LMBR1: variants seen among roughly 807,000 people sequenced by gnomAD.
LMBR1 encodes the protein limb development membrane protein 1.
Under a neutral mutation model 73.9 loss-of-function variants are expected in LMBR1, and 52 were observed. That is an observed-to-expected ratio of 0.70 (90% CI 0.56 to 0.89). The LOEUF (loss-of-function observed/expected upper bound fraction) is 0.89. LMBR1 is among the 40% of genes least tolerant of loss of function. The pLI is 0.00. For missense variants in LMBR1, 539 were observed against 579.8 expected (o/e 0.93, Z 0.72); for synonymous variants, 215 against 209.4 (o/e 1.03, Z -0.23).
chr7:156,800,524 T>C (rs576767796), intron 4 of LMBR1, among the ~76,000 whole-genome samples: 48 of 134,670 alleles, frequency 3.6e-4, no homozygotes, highest in Non-Finnish European at 6.0e-4. Flanking sequence ...CTACTGCTCA[T>C]TGACAATGCA....
intron 1 of LMBR1, among the ~76,000 whole-genome samples, chr7:156,837,786 C>CTTT (rs200071206): frequency 2.1e-4 from 29 of 135,312 alleles, no homozygotes; most frequent in East Asian, 4.3e-4. Flanking sequence ...TTTAATTTTG[C>CTTT]TTTTTTTTTT....
intron 15 of LMBR1, among the ~76,000 whole-genome samples, chr7:156,695,776 G>T (rs1380353617): frequency 6.6e-6 from 1 of 150,378 alleles, no homozygotes; most frequent in Non-Finnish European, 1.5e-5. Flanking sequence ...AAAACCTAAA[G>T]AACTTATACT....
At chr7:156,752,831 G>A (rs184531187) in intron 9 of LMBR1, among the ~76,000 whole-genome samples, 1 of 152,118 alleles carries the variant, frequency 6.6e-6, no homozygotes, top group Non-Finnish European at 1.5e-5. Flanking sequence ...ACAGGGAGAG[G>A]CTAGCAGAAT....
At chr7:156,731,475 A>C (rs183479646) in intron 10 of LMBR1, among the ~76,000 whole-genome samples, 1 of 152,356 alleles carries the variant, frequency 6.6e-6, no homozygotes, top group East Asian at 1.9e-4. Context: ...ATATCAGAGT[A>C]AAATTGCTAA....
intron 4 of LMBR1, among the ~76,000 whole-genome samples, chr7:156,799,163 C>T (rs368787224): frequency 1.5e-3 from 221 of 151,512 alleles, no homozygotes; most frequent in African/African-American, 5.1e-3. Context: ...GATTGCACCA[C>T]TGCACTACAG....
chr7:156,873,308 G>C (rs549353702), intron 1 of LMBR1, among the ~76,000 whole-genome samples: 59 of 151,918 alleles, frequency 3.9e-4, no homozygotes, highest in African/African-American at 1.4e-3. Flanking sequence ...CATTCCTCCC[G>C]GTGGGCTCCT....
Position 156,679,282 on chromosome 7 carries a change from C to T in LMBR1, c.*4796G>A, listed in dbSNP as rs532523281. ...CCTCTCACCACCCCTGCTTCCAAGT[C>T]TTTGATGAGATTCCACAGTAAAGAC... On this transcript the variant is annotated 3_prime_UTR_variant, in exon 17 of 17. Coordinates refer to ENST00000353442, the MANE Select transcript of LMBR1 (RefSeq NM_022458.4). 9.2e-5 allele frequency: 14 copies of T among 152,258 alleles called. No homozygotes were observed. Among genetic ancestry groups the T allele is most frequent in the African/African-American group, 3.4e-4 (14 of 41,528 alleles). 9.4% of individuals were successfully genotyped at this position (152,258 alleles called of 1,614,324 possible).
At chr7:156,686,128 C>T (rs1805957855) in intron 16 of LMBR1, among the ~76,000 whole-genome samples, 1 of 152,108 alleles carries the variant, frequency 6.6e-6, no homozygotes, top group Non-Finnish European at 1.5e-5. Flanking sequence ...ACTGCGGTAC[C>T]CACTGACTGA....
chr7:156,880,698 G>T (rs752886927), intron 1 of LMBR1, among the ~76,000 whole-genome samples: 1 of 152,074 alleles, frequency 6.6e-6, no homozygotes, highest in Non-Finnish European at 1.5e-5. Context: ...TGCCACCAAG[G>T]ATGGAGTGCA....
In LMBR1 at chr7:156,836,795, T is replaced by G. The variant is rs544430127; in HGVS notation, c.139+18A>C. 1.3e-6 allele frequency: 2 copies of G among 1,515,952 alleles called. No individual in the cohort carries two copies. The highest frequency in any genetic ancestry group is 2.4e-5 in the South Asian group (2 of 83,412). 93.9% of individuals were successfully genotyped at this position (1,515,952 alleles called of 1,614,324 possible). On this transcript the variant is annotated intron_variant, in intron 2 of 16. Transcript: ENST00000353442. ...GTGGCATTCTAACAAAGGTTTTAAT[T>G]GACATGTTTCCACTTGCCTGATTTT... is the stretch of plus-strand genomic sequence containing the variant.
intron 9 of LMBR1, among the ~76,000 whole-genome samples, chr7:156,739,923 C>G (rs1818588009): frequency 6.6e-6 from 1 of 152,044 alleles, no homozygotes; most frequent in Admixed American, 6.6e-5. Flanking sequence ...GGGACCAATC[C>G]TGGAGAAAGA....
At chr7:156,778,143 T>C (rs1242004279) in intron 5 of LMBR1, among the ~76,000 whole-genome samples, 2 of 152,224 alleles carry the variant, frequency 1.3e-5, no homozygotes, top group Non-Finnish European at 2.9e-5. Flanking sequence ...CTCTCTGTAG[T>C]CAATCATATA....
At chr7:156,709,843 A>T (rs1360545612) in intron 15 of LMBR1, among the ~76,000 whole-genome samples, 2 of 151,706 alleles carry the variant, frequency 1.3e-5, no homozygotes, top group Non-Finnish European at 2.9e-5. Context: ...CTAGCAATGG[A>T]TCCAAACCAA....
intron 15 of LMBR1, among the ~76,000 whole-genome samples, chr7:156,693,461 GAT>G (rs1807651796): frequency 6.6e-6 from 1 of 151,998 alleles, no homozygotes; most frequent in African/African-American, 2.4e-5. Context: ...AATAAAAAGA[GAT>G]ATTCCAACAA....
chr7:156,730,677 G>T (rs1266282746), intron 10 of LMBR1, among the ~76,000 whole-genome samples: 1 of 152,178 alleles, frequency 6.6e-6, no homozygotes, highest in Non-Finnish European at 1.5e-5. Flanking sequence ...GGTGGCTCAC[G>T]CCTGTAATCC....
At chr7:156,718,001 A>T (rs1563201406) in intron 15 of LMBR1, among the ~76,000 whole-genome samples, 1 of 152,194 alleles carries the variant, frequency 6.6e-6, no homozygotes, top group Admixed American at 6.5e-5. Context: ...AGGACTATTT[A>T]TTTATGCATT....
At chr7:156,675,654 C>T (rs557440504), downstream of LMBR1, 58 of 1,575,902 alleles carry the variant, frequency 3.7e-5, no homozygotes, top group Admixed American at 4.5e-4. Context: ...CAACCTCCAC[C>T]GAGCTCAGGT....
intron 15 of LMBR1, among the ~76,000 whole-genome samples, chr7:156,690,515 G>GT (rs1806956834): frequency 6.6e-6 from 1 of 152,190 alleles, no homozygotes; most frequent in Admixed American, 6.5e-5. Flanking sequence ...TGGAAGGTAT[G>GT]TTTTGCAAAA....
rs74371474 is a variant in LMBR1, at chr7:156,866,537, G to A, written c.66+26391C>T. Among the ~76,000 whole-genome samples the A allele has an allele frequency of 4.0e-5, 6 of 151,040 alleles. No homozygotes were observed. In the East Asian group the frequency reaches 1.2e-3, roughly 29 times the overall value. ...TTGCAATAAACCCTGTTACAGATGT[G>A]TGCAGAATATGCAGGATGACTAAGA... On this transcript the variant is annotated intron_variant, in intron 1 of 16. Transcript: ENST00000353442.
Sources: allele counts gnomAD v4.1 joint callset (sites outside exome capture counted in the v4.1 genomes callset), GRCh38; gene constraint gnomAD v4.1.1; transcripts MANE v1.5; gene names NCBI Gene and HGNC (gene_info 2026-07-23, HGNC 2026-07-21).